FBXO25: variants seen among roughly 807,000 people sequenced by gnomAD.
FBXO25 encodes the protein F-box protein 25.
Under a neutral mutation model 51.9 loss-of-function variants are expected in FBXO25, and 45 were observed. That is an observed-to-expected ratio of 0.87 (90% confidence interval 0.68 to 1.11). The LOEUF is 1.11. Among genes scored for constraint, FBXO25 ranks in the 50% most tolerant of loss-of-function variants. FBXO25 has a pLI of 0.00. For missense variants in FBXO25, 507 were observed against 428.5 expected (o/e 1.18, Z -1.62); for synonymous variants, 199 against 151.0 (o/e 1.32, Z -2.33).
intron 8 of FBXO25, among the ~76,000 whole-genome samples, chr8:462,541 C>G (rs1246372711): frequency 6.6e-6 from 1 of 152,146 alleles, no homozygotes; most frequent in Non-Finnish European, 1.5e-5. Context: ...TGATTTAACC[C>G]AAGTGAGTTT....
Position 451,293 on chromosome 8 carries a change from G to C in FBXO25, c.500G>C (p.Arg167Pro), listed in dbSNP as rs779337773. ...GTTCTTGATGACCACCACAATCCTC[G>C]CTTAATCAAAGATCTTCTGCAAGAC... ...QKVLDDHHNP[R>P]LIKDLLQDLS... Residue 167 changes from arginine to proline, a missense_variant, in exon 7 of 10, where the codon CGC (arginine) becomes CCC (proline). Physicochemically the swap from Arg to Pro is moderately radical, Grantham distance 103. Coordinates refer to ENST00000350302, the MANE Select transcript of FBXO25 (RefSeq NM_183420.2). 2.5e-6 allele frequency: 4 copies of C among 1,608,276 alleles called. No homozygotes were observed. Among genetic ancestry groups the C allele is most frequent in the South Asian group, 1.1e-5 (1 of 89,720 alleles).
chr8:416,463 G>A (rs1206035562), intron 2 of FBXO25, among the ~76,000 whole-genome samples: 1 of 152,184 alleles, frequency 6.6e-6, no homozygotes, highest in Non-Finnish European at 1.5e-5. Context: ...GCTTATTTTT[G>A]TTAATTATCT....
At chr8:458,776 A>C (rs1003190121) in intron 8 of FBXO25, among the ~76,000 whole-genome samples, 1 of 152,220 alleles carries the variant, frequency 6.6e-6, no homozygotes, top group Non-Finnish European at 1.5e-5. Context: ...ATAACCCAAA[A>C]CTGAACAGCA....
chr8:455,284 G>A (rs1022475779), intron 7 of FBXO25, among the ~76,000 whole-genome samples: 1 of 152,202 alleles, frequency 6.6e-6, no homozygotes, highest in African/African-American at 2.4e-5. Context: ...TCAGTGCCAG[G>A]CAGGGACCAG....
At position 471,753 on chromosome 8, in the gene FBXO25, T is replaced by C. The variant is rs750715106; in HGVS notation, c.*2949T>C. 1 of 152,234 alleles carries C rather than the reference T, an allele frequency of 6.6e-6. No individual in the cohort carries two copies. The highest frequency in any genetic ancestry group is 1.5e-5 in the Non-Finnish European group (1 of 68,048). 9.4% of individuals were successfully genotyped at this position (152,234 alleles called of 1,614,324 possible). On this transcript the variant is annotated 3_prime_UTR_variant, in exon 10 of 10. Coordinates refer to ENST00000350302, the MANE Select transcript of FBXO25 (RefSeq NM_183420.2). The stretch of plus-strand genomic sequence containing the variant: ...TGAATACACACAAATTGGAAAGCCA[T>C]GCAGTAGCCTCTCAGGAGCAGACCG...
chr8:417,633 C>T (rs546835629), intron 2 of FBXO25, among the ~76,000 whole-genome samples: 6 of 152,270 alleles, frequency 3.9e-5, no homozygotes, highest in Middle Eastern at 6.8e-3. Flanking sequence ...ACAGGTCATG[C>T]GCCTCTTTCC....
At chr8:411,215 T>G (rs1314185419) in intron 1 of FBXO25, among the ~76,000 whole-genome samples, 1 of 152,238 alleles carries the variant, frequency 6.6e-6, no homozygotes, top group African/African-American at 2.4e-5. Flanking sequence ...GTAATTCAGC[T>G]ACCTTTCTGT....
At chr8:441,219 A>G (rs1346311870) in intron 5 of FBXO25, among the ~76,000 whole-genome samples, 1 of 152,236 alleles carries the variant, frequency 6.6e-6, no homozygotes, top group Non-Finnish European at 1.5e-5. Context: ...CCACACGTCT[A>G]CAACCATCTG....
intron 9 of FBXO25, among the ~76,000 whole-genome samples, chr8:466,737 T>C (rs925350479): frequency 1.3e-5 from 2 of 152,158 alleles, no homozygotes; most frequent in Non-Finnish European, 2.9e-5. Context: ...CTGTTGTGGC[T>C]CTACTATATT....
chr8:422,355 G>A (rs1256998581), intron 2 of FBXO25, among the ~76,000 whole-genome samples: 3 of 152,294 alleles, frequency 2.0e-5, no homozygotes, highest in Admixed American at 6.5e-5. Context: ...CTAATTTGAC[G>A]GACATTCTAC....
chr8:449,954 A>G (rs373592045), intron 5 of FBXO25, 36 bp from the exon 6 acceptor site: 25 of 1,372,886 alleles, frequency 1.8e-5, no homozygotes, highest in Admixed American at 5.5e-5. Flanking sequence ...TATTAAATAT[A>G]TATATCGCTC....
At chr8:439,514 A>C in intron 5 of FBXO25, among the ~76,000 whole-genome samples, 1 of 152,362 alleles carries the variant, frequency 6.6e-6, no homozygotes, top group Non-Finnish European at 1.5e-5. Context: ...TGGTGGACCA[A>C]TTAGATAGCA....
intron 9 of FBXO25, chr8:468,280 C>G (rs1348313169): frequency 2.0e-6 from 2 of 1,016,246 alleles, no homozygotes; most frequent in Non-Finnish European, 1.2e-6. Context: ...CAAGCTGATT[C>G]AGGGATGAAT....
intron 7 of FBXO25, among the ~76,000 whole-genome samples, chr8:452,939 C>G (rs182272528): frequency 1.3e-5 from 2 of 152,200 alleles, no homozygotes; most frequent in East Asian, 1.9e-4. Context: ...TCCATTCATA[C>G]TACCTGGGAG....
At chr8:452,242 A>G (rs1489962164) in intron 7 of FBXO25, among the ~76,000 whole-genome samples, 5 of 152,206 alleles carry the variant, frequency 3.3e-5, no homozygotes, top group Admixed American at 3.3e-4. Flanking sequence ...AAGAGTGATG[A>G]TTGCCTAGTT....
At chr8:425,089 G>A (rs2117548142) in intron 2 of FBXO25, among the ~76,000 whole-genome samples, 1 of 151,990 alleles carries the variant, frequency 6.6e-6, no homozygotes, top group African/African-American at 2.4e-5. Flanking sequence ...ACCACACCCG[G>A]GTCAAGGAAT....
chr8:414,434 T>G (rs1796673419), intron 2 of FBXO25, among the ~76,000 whole-genome samples: 2 of 152,194 alleles, frequency 1.3e-5, no homozygotes, highest in African/African-American at 4.8e-5. Context: ...AATGTGGATT[T>G]TAGGATGGGG....
intron 9 of FBXO25, among the ~76,000 whole-genome samples, chr8:465,307 G>A (rs1003899745): frequency 6.6e-6 from 1 of 152,200 alleles, no homozygotes; most frequent in Non-Finnish European, 1.5e-5. Flanking sequence ...ACACAATACT[G>A]TAGTTTCTAA....
chr8:424,151 C>G lies in FBXO25; in HGVS notation c.135-7190C>G, dbSNP rs1361594003. Among the ~76,000 whole-genome samples the G allele has an allele frequency of 1.8e-4, 26 of 145,750 alleles. 1 individual carries two copies. The highest frequency in any genetic ancestry group is 2.6e-5 in the African/African-American group (1 of 39,132). ...TTTTTTTTTTTGAGACAGAGTCTCA[C>G]TCTGACACCCAGGCTGGAGTGCAGT... On this transcript the variant is annotated intron_variant, in intron 2 of 9. Transcript: ENST00000350302.
Sources: gnomAD v4.1 joint callset for allele counts (sites outside exome capture counted in the v4.1 genomes callset) on GRCh38, gnomAD v4.1.1 for gene constraint, MANE v1.5 for transcripts, NCBI Gene and HGNC (gene_info 2026-07-23, HGNC 2026-07-21) for gene names.